FRMD5: variants seen among roughly 807,000 people sequenced by gnomAD.
FRMD5 encodes FERM domain-containing protein 5.
A neutral mutation model predicts 69.0 loss-of-function variants in FRMD5; 20 were observed. That is an observed-to-expected ratio of 0.29 (90% CI 0.20 to 0.42). FRMD5 has a LOEUF of 0.42. Ranked by LOEUF, FRMD5 falls within the 10% of genes least tolerant of loss-of-function variation. The pLI is 1.00. For synonymous variants in FRMD5, 271 were observed against 260.1 expected (o/e 1.04, Z -0.40); for missense variants, 595 against 708.6 (o/e 0.84, Z 1.82).
chr15:44,179,778 A>G (rs1321346801), intron 1 of FRMD5, among the ~76,000 whole-genome samples: 3 of 152,304 alleles, frequency 2.0e-5, no homozygotes, highest in East Asian at 3.9e-4. Flanking sequence ...GTTACATTGC[A>G]ATTTTAGAGA....
At chr15:44,068,873 G>T (rs188866721) in intron 1 of FRMD5, among the ~76,000 whole-genome samples, 2 of 152,118 alleles carry the variant, frequency 1.3e-5, no homozygotes, top group African/African-American at 4.8e-5. Context: ...TCAGATGTGA[G>T]GGTTACTGTG....
chr15:44,024,283 T>C (rs752091156), intron 1 of FRMD5, among the ~76,000 whole-genome samples: 20 of 152,126 alleles, frequency 1.3e-4, no homozygotes, highest in Non-Finnish European at 1.3e-4. Flanking sequence ...CCTCATAATA[T>C]TGGCACTAAA....
At chr15:44,034,675 C>T (rs1348762529) in intron 1 of FRMD5, among the ~76,000 whole-genome samples, 1 of 152,194 alleles carries the variant, frequency 6.6e-6, no homozygotes, top group Non-Finnish European at 1.5e-5. Flanking sequence ...TTGTCTAAGT[C>T]TGTGCCCCAA....
chr15:43,986,297 G>A (rs1319332501), intron 1 of FRMD5, among the ~76,000 whole-genome samples: 2 of 152,206 alleles, frequency 1.3e-5, no homozygotes, highest in Non-Finnish European at 2.9e-5. Context: ...ATAACTGAAA[G>A]AGGGAACTGG....
chr15:44,048,462 C>T (rs1892522933), intron 1 of FRMD5, among the ~76,000 whole-genome samples: 1 of 152,032 alleles, frequency 6.6e-6, no homozygotes, highest in Non-Finnish European at 1.5e-5. Context: ...ATATGAGTCC[C>T]TTATCAGTTA....
At chr15:44,028,325 T>A (rs1891530029) in intron 1 of FRMD5, among the ~76,000 whole-genome samples, 1 of 152,150 alleles carries the variant, frequency 6.6e-6, no homozygotes, top group African/African-American at 2.4e-5. Context: ...AAAAAGTCCT[T>A]CCAGACTTCC....
rs368847363 is a variant in FRMD5 at position 43,980,964 on chromosome 15, G to A, written c.103-56655C>T. 3.4e-4 allele frequency among the ~76,000 whole-genome samples: 51 copies of A among 152,172 alleles called. 1 individual carries two copies. The highest frequency in any genetic ancestry group is 1.2e-3 in the African/African-American group (51 of 41,518). On this transcript the variant is annotated intron_variant, in intron 1 of 13. Transcript: ENST00000417257. ...AACTTAACTACTAACAGCTTACTGTGGACCAGAAGGCTTACTGATAACATA... is the reference window on the plus strand; with the variant it reads ...AACTTAACTACTAACAGCTTACTGTAGACCAGAAGGCTTACTGATAACATA...
At position 44,098,135 on chromosome 15, in the gene FRMD5, AAC is replaced by A. The variant is rs1176712144; in HGVS notation, c.102+96816_102+96817del. Among the ~76,000 whole-genome samples, 3 of 152,040 alleles carry A rather than the reference AAC, an allele frequency of 2.0e-5. No homozygotes were observed. The East Asian group carries it at 5.8e-4, about 29-fold the overall frequency. ...CAAAACAAAAAAAAAAAAACTAAAC[AAC>A]AACAACAAAAAACTAAATAAAAAGT... On this transcript the variant is annotated intron_variant, in intron 1 of 13. Transcript: ENST00000417257.
chr15:44,151,173 G>A (rs566384723), intron 1 of FRMD5, among the ~76,000 whole-genome samples: 4 of 152,006 alleles, frequency 2.6e-5, no homozygotes, highest in East Asian at 3.9e-4. Context: ...CAAGGCGGAC[G>A]GATCACGAGA....
At chr15:44,120,973 T>C (rs981577977) in intron 1 of FRMD5, among the ~76,000 whole-genome samples, 2 of 152,090 alleles carry the variant, frequency 1.3e-5, no homozygotes, top group Non-Finnish European at 2.9e-5. Context: ...CTTATAAATT[T>C]AGTAGTCGTC....
At chr15:44,006,621 A>C (rs1407954403) in intron 1 of FRMD5, among the ~76,000 whole-genome samples, 3 of 152,226 alleles carry the variant, frequency 2.0e-5, no homozygotes. Context: ...TCAAATTATC[A>C]ACATTAACAG....
chr15:44,062,825 AT>A (rs974231527), intron 1 of FRMD5, among the ~76,000 whole-genome samples: 1 of 151,930 alleles, frequency 6.6e-6, no homozygotes, highest in African/African-American at 2.4e-5. Context: ...GACTACTGTA[AT>A]TTTTTTTGTA....
At chr15:44,171,489 C>T (rs578201204) in intron 1 of FRMD5, among the ~76,000 whole-genome samples, 2 of 152,202 alleles carry the variant, frequency 1.3e-5, no homozygotes, top group East Asian at 1.9e-4. Context: ...TTTTAATATA[C>T]GTTGAAGTAT....
At chr15:43,982,144 G>A (rs1302016962) in intron 1 of FRMD5, among the ~76,000 whole-genome samples, 2 of 152,176 alleles carry the variant, frequency 1.3e-5, no homozygotes, top group African/African-American at 4.8e-5. Flanking sequence ...CTTCCATACA[G>A]TTCTGTGTGA....
chr15:44,137,533 GA>G (rs2077204828), intron 1 of FRMD5, among the ~76,000 whole-genome samples: 2 of 152,106 alleles, frequency 1.3e-5, no homozygotes, highest in Non-Finnish European at 2.9e-5. Context: ...AGGAACTCTA[GA>G]GGTAAGGAAG....
In FRMD5 at chr15:44,105,479, C is replaced by G. The variant is rs1393514236; in HGVS notation, c.102+89474G>C. On this transcript the variant is annotated intron_variant, in intron 1 of 13. Coordinates refer to ENST00000417257, the MANE Select transcript of FRMD5 (RefSeq NM_032892.5). ...GTGACCAAGGCGCTAACTTACTGAT[C>G]TTGAACTTCCCAGACTGTGGGAAAT... is the stretch of plus-strand genomic sequence containing the variant. Among the ~76,000 whole-genome samples, 3 of 152,152 alleles carry G rather than the reference C, an allele frequency of 2.0e-5. No individual in the cohort carries two copies. The East Asian group carries it at 5.8e-4, about 29-fold the overall frequency.
intron 1 of FRMD5, among the ~76,000 whole-genome samples, chr15:43,961,202 T>C (rs1467416651): frequency 1.3e-5 from 2 of 151,890 alleles, no homozygotes; most frequent in Middle Eastern, 3.2e-3. Flanking sequence ...ATAGATGCAA[T>C]AAAAAATGAC....
rs2088193730 is a variant in FRMD5, at chr15:43,872,708, TTCTTTTCCTGGTCCC to T, written c.*1162_*1176del. 6.5e-6 allele frequency: 1 copy of T among 154,852 alleles called. No individual in the cohort carries two copies. Among genetic ancestry groups the T allele is most frequent in the African/African-American group, 2.4e-5 (1 of 40,976 alleles). 9.6% of individuals were successfully genotyped at this position (154,852 alleles called of 1,614,324 possible). On this transcript the variant is annotated 3_prime_UTR_variant, in exon 14 of 14. Transcript: ENST00000417257. ...TCTCTTAGAAATCTATTTTAAAAGATTCTTTTCCTGGTCCCTTCTAAGGCTGTTGATCTTGGAATT... is the reference window on the plus strand; with the variant it reads ...TCTCTTAGAAATCTATTTTAAAAGATTTCTAAGGCTGTTGATCTTGGAATT...
intron 1 of FRMD5, among the ~76,000 whole-genome samples, chr15:44,118,753 T>C (rs2076905603): frequency 6.6e-6 from 1 of 152,182 alleles, no homozygotes; most frequent in Non-Finnish European, 1.5e-5. Flanking sequence ...CACAGCTTTG[T>C]ATGGAATCTG....
Sources: gnomAD v4.1 joint callset for allele counts (sites outside exome capture counted in the v4.1 genomes callset) on GRCh38, gnomAD v4.1.1 for gene constraint, MANE v1.5 for transcripts, NCBI Gene and HGNC (gene_info 2026-07-23, HGNC 2026-07-21) for gene names.